CCDC102B: variants seen among roughly 807,000 people sequenced by gnomAD.
CCDC102B encodes the protein coiled-coil domain containing 102B.
In CCDC102B, 75 loss-of-function variants were observed where a neutral mutation model predicts 57.4. The ratio of observed to expected loss-of-function variants is 1.31; its 90% CI spans 1.08 to 1.58. The LOEUF is 1.58. Ranked by LOEUF, CCDC102B falls within the 40% of genes most tolerant of loss-of-function variation. CCDC102B has a pLI of 0.00. For missense variants in CCDC102B, 636 were observed against 582.6 expected (o/e 1.09, Z -0.94); for synonymous variants, 206 against 201.9 (o/e 1.02, Z -0.17).
intron 1 of CCDC102B, among the ~76,000 whole-genome samples, chr18:68,813,430 G>C (rs1348336952): frequency 6.6e-6 from 1 of 152,020 alleles, no homozygotes; most frequent in Non-Finnish European, 1.5e-5. Context: ...GAGGAGAGAA[G>C]GGTAGAGGAA....
At chr18:68,958,185 A>G (rs2049956128) in intron 6 of CCDC102B, among the ~76,000 whole-genome samples, 1 of 152,100 alleles carries the variant, frequency 6.6e-6, no homozygotes. Context: ...TGATTCAGTT[A>G]CCTCCTACTG....
chr18:69,040,196 T>C (rs530145789), intron 7 of CCDC102B, among the ~76,000 whole-genome samples: 7 of 152,028 alleles, frequency 4.6e-5, no homozygotes. Flanking sequence ...AATTTTATGA[T>C]CATTCATCAT....
intron 7 of CCDC102B, among the ~76,000 whole-genome samples, chr18:69,037,014 T>TG (rs1568141142): frequency 9.5e-6 from 1 of 105,130 alleles, no homozygotes; most frequent in African/African-American, 3.5e-5. Flanking sequence ...TATATATGTG[T>TG]GGGGGTGTAT....
At chr18:68,756,262 A>G (rs1023429280) in intron 2 of CCDC102B, among the ~76,000 whole-genome samples, 5 of 150,828 alleles carry the variant, frequency 3.3e-5, no homozygotes, top group African/African-American at 1.2e-4. Flanking sequence ...AAGTTAATCC[A>G]CAGTAAATTA....
At chr18:68,898,420 A>T (rs2040318178) in intron 6 of CCDC102B, among the ~76,000 whole-genome samples, 1 of 152,106 alleles carries the variant, frequency 6.6e-6, no homozygotes, top group South Asian at 2.1e-4. Flanking sequence ...CAATGCAAAT[A>T]TCTAAAGTTA....
At chr18:68,879,531 C>T (rs972202678) in intron 5 of CCDC102B, among the ~76,000 whole-genome samples, 1 of 152,024 alleles carries the variant, frequency 6.6e-6, no homozygotes, top group African/African-American at 2.4e-5. Context: ...TTCTCCACGT[C>T]CCCACCAGAT....
intron 2 of CCDC102B, among the ~76,000 whole-genome samples, chr18:68,789,774 A>T (rs1330071024): frequency 1.4e-5 from 2 of 145,538 alleles, no homozygotes; most frequent in Non-Finnish European, 1.5e-5. Context: ...CTTTGGTTTG[A>T]ATGTCCTCCC....
intron 2 of CCDC102B, among the ~76,000 whole-genome samples, chr18:68,776,934 C>T (rs11151464): frequency 0.094 from 14,250 of 152,108 alleles, 1,424 homozygotes; most frequent in African/African-American, 0.26. Flanking sequence ...CCGCATTTCA[C>T]TCCTTACATC....
At chr18:68,956,480 A>AT (rs1165701782) in intron 6 of CCDC102B, among the ~76,000 whole-genome samples, 5 of 70,902 alleles carry the variant, frequency 7.1e-5, no homozygotes, top group Non-Finnish European at 1.1e-4. Context: ...TATTATATAT[A>AT]TATAATATAT....
At chr18:68,855,266 T>C (rs947233782) in intron 4 of CCDC102B, among the ~76,000 whole-genome samples, 2 of 151,778 alleles carry the variant, frequency 1.3e-5, no homozygotes, top group Non-Finnish European at 2.9e-5. Context: ...GGTGAGAGAG[T>C]AGGGTTTTTG....
At chr18:69,039,863 A>G (rs571495792) in intron 7 of CCDC102B, among the ~76,000 whole-genome samples, 108 of 152,066 alleles carry the variant, frequency 7.1e-4, no homozygotes, top group African/African-American at 2.5e-3. Flanking sequence ...AGAGGAAAAT[A>G]CAGAATGAAT....
At chr18:68,741,282 T>A (rs1324591455) in intron 2 of CCDC102B, among the ~76,000 whole-genome samples, 1 of 152,168 alleles carries the variant, frequency 6.6e-6, no homozygotes, top group African/African-American at 2.4e-5. Context: ...GCAGGGCAAA[T>A]ACAGGCAGGA....
At chr18:68,790,009 G>T (rs1227249174) in intron 2 of CCDC102B, among the ~76,000 whole-genome samples, 1 of 149,254 alleles carries the variant, frequency 6.7e-6, no homozygotes, top group Admixed American at 6.6e-5. Context: ...TGGGTTTTTG[G>T]TGTGGATGTC....
intron 6 of CCDC102B, among the ~76,000 whole-genome samples, chr18:69,003,309 T>C (rs1308377766): frequency 2.0e-5 from 3 of 152,210 alleles, no homozygotes; most frequent in Admixed American, 6.5e-5. Context: ...TCATAACTTT[T>C]TCATTCTTAT....
chr18:68,867,063 C>T (rs2144902870), intron 4 of CCDC102B: 1 of 224,264 alleles, frequency 4.5e-6, no homozygotes, highest in South Asian at 7.3e-5. Flanking sequence ...TTTCCACACA[C>T]TATTAAGGTC....
intron 6 of CCDC102B, among the ~76,000 whole-genome samples, chr18:69,005,429 T>C (rs1207251138): frequency 1.3e-5 from 2 of 152,160 alleles, no homozygotes; most frequent in Non-Finnish European, 2.9e-5. Flanking sequence ...TATAAACTTC[T>C]ATGTATTATT....
intron 1 of CCDC102B, among the ~76,000 whole-genome samples, chr18:68,815,289 C>T (rs1009952077): frequency 1.4e-4 from 22 of 152,114 alleles, no homozygotes; most frequent in African/African-American, 5.3e-4. Context: ...TCATCTCCAA[C>T]AAATCTGTGT....
At position 68,848,759 on chromosome 18, in the gene CCDC102B, T is replaced by C. The variant is rs570889416; in HGVS notation, c.936+2338T>C. ...AAGGATCATTTATGAAATTTCATGG[T>C]CTAGAGGATCAAACATTCATGTAGG... is the stretch of plus-strand genomic sequence containing the variant. On this transcript the variant is annotated intron_variant, in intron 4 of 7. Coordinates refer to ENST00000360242, the MANE Select transcript of CCDC102B (RefSeq NM_024781.3). 3.8e-4 allele frequency among the ~76,000 whole-genome samples: 58 copies of C among 152,118 alleles called. 1 individual carries two copies. In the South Asian group the frequency reaches 0.012, roughly 31 times the overall value.
intron 2 of CCDC102B, among the ~76,000 whole-genome samples, chr18:68,727,914 C>G (rs911118316): frequency 6.6e-6 from 1 of 152,176 alleles, no homozygotes; most frequent in Non-Finnish European, 1.5e-5. Context: ...TTTGGTCTAG[C>G]AAGTGGACTG....
Sources: allele counts gnomAD v4.1 joint callset (sites outside exome capture counted in the v4.1 genomes callset), GRCh38; gene constraint gnomAD v4.1.1; transcripts MANE v1.5; gene names NCBI Gene and HGNC (gene_info 2026-07-23, HGNC 2026-07-21).